The following LRRC36 variants were observed in gnomAD, a reference collection of about 807,000 sequenced individuals.
LRRC36 encodes leucine rich repeat containing 36, also known as leucine-rich repeat-containing protein 36.
LRRC36 carries 62 observed loss-of-function variants against 81.1 expected under a neutral mutation model. The ratio of observed to expected loss-of-function variants is 0.76; its 90% CI spans 0.62 to 0.94. The LOEUF is 0.94. Ranked by LOEUF, LRRC36 falls within the 40% of genes least tolerant of loss-of-function variation. LRRC36 has a pLI of 0.00. For missense variants in LRRC36, 761 were observed against 881.7 expected, an observed-to-expected ratio of 0.86 and a Z score of 1.73; for synonymous variants, 334 against 348.6, an observed-to-expected ratio of 0.96 and a Z score of 0.47.
intron 1 of LRRC36, among the ~76,000 whole-genome samples, chr16:67,330,584 G>A (rs780268898): frequency 1.3e-5 from 2 of 152,064 alleles, no homozygotes; most frequent in Non-Finnish European, 2.9e-5. Context: ...TCTTAGGGCT[G>A]GGCATGGTCG....
Position 67,378,598 on chromosome 16 carries a change from A to G in LRRC36, c.1816A>G (p.Lys606Glu), listed in dbSNP as rs767744516. 2 of 1,613,868 alleles carry G rather than the reference A, an allele frequency of 1.2e-6. No homozygotes were observed. The highest frequency in any genetic ancestry group is 2.2e-5 in the East Asian group (1 of 44,882). ...QLVPNDMESL[K>E]QKLVRVLEEN... is the part of the protein sequence containing the mutation. The stretch of plus-strand genomic sequence containing the variant: ...GTTTTCTAATCTAAAGGAAAGTTTG[A>G]AGCAAAAACTGGTCAGAGTGCTGGA... The change falls in exon 12 of 14, where the codon AAG becomes GAG. Residue 606 changes from lysine to glutamate, a missense_variant. Lys to Glu is a moderately conservative substitution (Grantham distance 56). Around this residue, in one of 3 missense-constraint regions of LRRC36, gnomAD observed 359 missense variants for 388.4 expected, o/e 0.92. Coordinates refer to ENST00000329956, the MANE Select transcript of LRRC36 (RefSeq NM_018296.6).
Position 67,376,708 on chromosome 16 carries a change from C to T in LRRC36, c.1661-19C>T. 6.2e-7 allele frequency: 1 copy of T among 1,606,486 alleles called. No homozygotes were observed. The highest frequency in any genetic ancestry group is 8.5e-7 in the Non-Finnish European group (1 of 1,174,164). ...AGCTTTTAAGATTGGCCTGTGTGCC[C>T]ATCCTGAATTTTTGGCAGGTCCTGC... On this transcript the variant is annotated intron_variant, in intron 10 of 13. Coordinates refer to ENST00000329956, the MANE Select transcript of LRRC36 (RefSeq NM_018296.6).
At chr16:67,331,892 G>A (rs1007108463) in intron 1 of LRRC36, among the ~76,000 whole-genome samples, 3 of 151,860 alleles carry the variant, frequency 2.0e-5, no homozygotes, top group Non-Finnish European at 2.9e-5. Flanking sequence ...GGAGGCTGAG[G>A]CAGGAGAATC....
rs2040251641 is a variant in LRRC36, at chr16:67,385,193, G to A, written c.*104G>A. The A allele has an allele frequency of 2.5e-6, 2 of 801,414 alleles. No individual in the cohort carries two copies. The highest frequency in any genetic ancestry group is 4.1e-6 in the Non-Finnish European group (2 of 490,560). The allele number at this position is 801,414 out of a possible 1,614,324, so 49.6% of individuals were successfully genotyped here. The stretch of plus-strand genomic sequence containing the variant: ...TACTCACAAAGATTAAGAAAGAAAT[G>A]TATTCTGATTAGATTGTATTGGTCC... On this transcript the variant is annotated 3_prime_UTR_variant, in exon 14 of 14. Coordinates refer to ENST00000329956, the MANE Select transcript of LRRC36 (RefSeq NM_018296.6).
intron 5 of LRRC36, among the ~76,000 whole-genome samples, chr16:67,353,543 T>C (rs2038755941): frequency 1.3e-5 from 2 of 151,998 alleles, no homozygotes; most frequent in African/African-American, 2.4e-5. Context: ...CGCACCAACA[T>C]GCCCAGCTAA....
chr16:67,361,133 A>C (rs1172049023), intron 5 of LRRC36, among the ~76,000 whole-genome samples: 1 of 151,918 alleles, frequency 6.6e-6, no homozygotes, highest in East Asian at 1.9e-4. Context: ...CGACTTCCCA[A>C]GTTAAGGGTT....
intron 8 of LRRC36, among the ~76,000 whole-genome samples, chr16:67,368,822 A>G (rs2039515517): frequency 6.6e-6 from 1 of 152,208 alleles, no homozygotes; most frequent in Admixed American, 6.5e-5. Flanking sequence ...AAGTAGTCAG[A>G]TTCTGAATAT....
chr16:67,345,337 G>A (rs1305779743), intron 2 of LRRC36, among the ~76,000 whole-genome samples: 3 of 132,534 alleles, frequency 2.3e-5, no homozygotes, highest in Non-Finnish European at 4.5e-5. Flanking sequence ...AAAAGTATGC[G>A]ATTATACATA....
rs2039906842 is a variant in LRRC36 at position 67,376,657 on chromosome 16, G to A, written c.1661-70G>A. On this transcript the variant is annotated intron_variant, in intron 10 of 13. Transcript: ENST00000329956. ...GCCTATTTGATCCAGAGAGCTGGTA[G>A]TTACTGACTAGGAATGCTGTGCCTT... is the stretch of plus-strand genomic sequence containing the variant. The A allele has an allele frequency of 2.0e-6, 3 of 1,493,676 alleles. No individual in the cohort carries two copies. The East Asian group carries it at 6.9e-5, about 34-fold the overall frequency. 92.5% of individuals were successfully genotyped at this position (1,493,676 alleles called of 1,614,324 possible).
In LRRC36 at chr16:67,374,788, AT is replaced by A. The variant is rs1238384115; in HGVS notation, c.1495-457del. On this transcript the variant is annotated intron_variant, in intron 9 of 13. Coordinates refer to ENST00000329956, the MANE Select transcript of LRRC36 (RefSeq NM_018296.6). ...TGTTTTTGTCTTAGACATAAATAATATTATGCTACTCAAATCCAAACTGAAA... is the reference window on the plus strand; with the variant it reads ...TGTTTTTGTCTTAGACATAAATAATATATGCTACTCAAATCCAAACTGAAA... Among the ~76,000 whole-genome samples the A allele has an allele frequency of 7.2e-5, 11 of 152,244 alleles. 1 individual carries two copies. In the South Asian group the frequency reaches 1.0e-3, roughly 14 times the overall value.
chr16:67,365,312 A>T lies in LRRC36; in HGVS notation c.711A>T (p.Glu237Asp), dbSNP rs1348702653. 6.2e-7 allele frequency: 1 copy of T among 1,613,092 alleles called. No homozygotes were observed. Among genetic ancestry groups the T allele is most frequent in the Non-Finnish European group, 8.5e-7 (1 of 1,179,618 alleles). Residue 237 changes from glutamate to aspartate, a missense_variant, in exon 7 of 14, where the codon GAA becomes GAT. By Grantham distance (45) the Glu-to-Asp change is conservative. Around this residue, in one of 3 missense-constraint regions of LRRC36, gnomAD observed 263 missense variants for 279.3 expected, o/e 0.94. Transcript: ENST00000329956. ...DTFPLGTQTQ[E>D]VARREMPSDN... is the part of the protein sequence containing the mutation. ...TTTCGAACTTTTTTTAGACACAGGAAGTAGCAAGAAGGGAGATGCCAAGTG... is the reference window on the plus strand; with the variant it reads ...TTTCGAACTTTTTTTAGACACAGGATGTAGCAAGAAGGGAGATGCCAAGTG...
chr16:67,383,944 G>A (rs1311097376), intron 13 of LRRC36, among the ~76,000 whole-genome samples: 3 of 152,146 alleles, frequency 2.0e-5, no homozygotes, highest in African/African-American at 4.8e-5. Flanking sequence ...CATTCATAGT[G>A]GTGTATAGAG....
At chr16:67,358,876 G>A (rs1025520968) in intron 5 of LRRC36, among the ~76,000 whole-genome samples, 1 of 152,064 alleles carries the variant, frequency 6.6e-6, no homozygotes, top group Non-Finnish European at 1.5e-5. Flanking sequence ...GAATCTAAAG[G>A]ACAGATAATA....
intron 8 of LRRC36, among the ~76,000 whole-genome samples, 178 bp from the exon 9 acceptor site, chr16:67,370,766 G>A (rs1203081589): frequency 6.6e-6 from 1 of 152,152 alleles, no homozygotes; most frequent in Non-Finnish European, 1.5e-5. Context: ...CTGCTCTGGT[G>A]TAGGCTTGGA....
At chr16:67,365,442 A>C in intron 7 of LRRC36, 87 bp downstream of exon 7, 1 of 1,149,196 alleles carries the variant, frequency 8.7e-7, no homozygotes, top group Non-Finnish European at 1.3e-6. Context: ...AAGATGTCTC[A>C]ATATGGGGGC....
intron 1 of LRRC36, among the ~76,000 whole-genome samples, chr16:67,328,307 C>A (rs1293618459): frequency 6.6e-6 from 1 of 152,004 alleles, no homozygotes; most frequent in African/African-American, 2.4e-5. Flanking sequence ...GTCAGGAGAT[C>A]GAGACCATCC....
chr16:67,335,214 A>C (rs1290068425), intron 1 of LRRC36, among the ~76,000 whole-genome samples: 3 of 152,216 alleles, frequency 2.0e-5, no homozygotes, highest in African/African-American at 7.2e-5. Flanking sequence ...TTCATCCTAC[A>C]GCTGTGACCA....
At chr16:67,378,475 G>A in intron 11 of LRRC36, 114 bp from the exon 12 acceptor site, 1 of 893,686 alleles carries the variant, frequency 1.1e-6, no homozygotes, top group Non-Finnish European at 1.7e-6. Context: ...CCTGAGCTCA[G>A]GCAAACCATC....
chr16:67,338,340 GA>G (rs548104911), intron 1 of LRRC36, among the ~76,000 whole-genome samples: 143 of 152,160 alleles, frequency 9.4e-4, no homozygotes, highest in Middle Eastern at 3.4e-3. Flanking sequence ...TTGTTTAAAA[GA>G]AGACAGCTAG....
Sources: gnomAD v4.1 joint callset for allele counts (sites outside exome capture counted in the v4.1 genomes callset) on GRCh38, gnomAD v4.1.1 for gene constraint, gnomAD v4.1.1 regional missense constraint, MANE v1.5 for transcripts, NCBI Gene and HGNC (gene_info 2026-07-23, HGNC 2026-07-21) for gene names.